The following RANBP2 variants were observed in gnomAD, a reference collection of about 807,000 sequenced individuals.
RANBP2 encodes the protein RAN binding protein 2, also known as E3 SUMO-protein ligase RanBP2.
In RANBP2, 57 loss-of-function variants were observed where a neutral mutation model predicts 303.6. The observed-to-expected ratio is 0.19, with a 90% CI of 0.15 to 0.23. The LOEUF (loss-of-function observed/expected upper bound fraction) is 0.23, where lower values mean the gene tolerates loss of function less well. Among genes scored for constraint, RANBP2 ranks in the 10% least tolerant of loss-of-function variants. RANBP2 has a pLI of 1.00. For missense variants in RANBP2, 3,138 were observed against 3,780.8 expected, an observed-to-expected ratio of 0.83 and a Z score of 4.46; for synonymous variants, 1,167 against 1,301.5, an observed-to-expected ratio of 0.90 and a Z score of 2.23.
chr2:109,262,973 C>T, the RANBP2 span, among the ~76,000 whole-genome samples: 5 of 152,078 alleles, frequency 3.3e-5, no homozygotes, highest in African/African-American at 9.7e-5. Flanking sequence ...GCTGGGAGTA[C>T]AGGTGCCCGC....
At chr2:108,983,079 T>C in the RANBP2 span, among the ~76,000 whole-genome samples, 1 of 152,180 alleles carries the variant, frequency 6.6e-6, no homozygotes, top group East Asian at 1.9e-4. Flanking sequence ...GCACAATTAG[T>C]TTGTGCTGCT....
At chr2:109,747,778 T>C in the RANBP2 span, among the ~76,000 whole-genome samples, 31 of 142,280 alleles carry the variant, frequency 2.2e-4, no homozygotes, top group Non-Finnish European at 6.0e-5. Context: ...ACCTACACAC[T>C]AAACTTTTGG....
At chr2:109,090,310 TCACA>T in the RANBP2 span, among the ~76,000 whole-genome samples, 2,234 of 109,638 alleles carry the variant, frequency 0.02, 33 homozygotes, top group Middle Eastern at 0.045. Flanking sequence ...ACACCTCGCC[TCACA>T]CACACACACA....
the RANBP2 span, chr2:108,794,481 A>G: frequency 2.1e-6 from 3 of 1,457,482 alleles, no homozygotes; most frequent in Non-Finnish European, 1.9e-6. Flanking sequence ...GGTTACTCTG[A>G]GAATATTTGA....
the RANBP2 span, among the ~76,000 whole-genome samples, chr2:109,159,273 G>A: frequency 5.9e-5 from 9 of 152,260 alleles, no homozygotes; most frequent in East Asian, 7.7e-4. Flanking sequence ...CTATCCCGGC[G>A]CAGCTGCCTC....
chr2:109,613,642 G>A, the RANBP2 span: 6 of 466,628 alleles, frequency 1.3e-5, no homozygotes, highest in African/African-American at 2.1e-5. Context: ...CCAGGCGCCC[G>A]GCCGCCGCGG....
chr2:109,406,928 G>T, the RANBP2 span, among the ~76,000 whole-genome samples: 6,795 of 152,282 alleles, frequency 0.045, 484 homozygotes, highest in African/African-American at 0.15. Flanking sequence ...CCGTCCCCAG[G>T]TGCCACTTCC....
the RANBP2 span, among the ~76,000 whole-genome samples, chr2:109,373,557 T>C: frequency 3.9e-5 from 6 of 152,064 alleles, no homozygotes; most frequent in African/African-American, 1.5e-4. Context: ...GACATAAAAG[T>C]AAATGCCGTA....
chr2:108,727,394 G>A (rs925746428), intron 1 of RANBP2, among the ~76,000 whole-genome samples: 1 of 152,198 alleles, frequency 6.6e-6, no homozygotes, highest in Non-Finnish European at 1.5e-5. Flanking sequence ...CAGCCATAGT[G>A]TGTGATAAGT....
the RANBP2 span, among the ~76,000 whole-genome samples, chr2:108,950,267 TTTTC>T: frequency 6.1e-5 from 9 of 148,422 alleles, no homozygotes; most frequent in African/African-American, 1.2e-4. Flanking sequence ...TTCCTTTTCT[TTTTC>T]TTTCTTTCTT....
chr2:108,759,980 G>A (rs1401089532), intron 18 of RANBP2, among the ~76,000 whole-genome samples: 2 of 152,118 alleles, frequency 1.3e-5, no homozygotes, highest in African/African-American at 4.8e-5. Flanking sequence ...TGAGAAACAT[G>A]GAGACTCCAA....
the RANBP2 span, among the ~76,000 whole-genome samples, chr2:109,435,117 A>T: frequency 6.6e-6 from 1 of 152,198 alleles, no homozygotes; most frequent in African/African-American, 2.4e-5. Context: ...AGCCCCGGTA[A>T]CTGCAGTGTC....
At chr2:109,667,159 T>C in the RANBP2 span, 2 of 1,321,628 alleles carry the variant, frequency 1.5e-6, no homozygotes, top group Non-Finnish European at 2.2e-6. Flanking sequence ...AAGAAACATT[T>C]TAATTCACTG....
At chr2:109,568,599 C>T in the RANBP2 span, among the ~76,000 whole-genome samples, 1 of 152,122 alleles carries the variant, frequency 6.6e-6, no homozygotes, top group Admixed American at 6.6e-5. Context: ...CTCACATTTT[C>T]TTCTCTCTCA....
At chr2:109,481,078 C>T in the RANBP2 span, among the ~76,000 whole-genome samples, 1 of 152,202 alleles carries the variant, frequency 6.6e-6, no homozygotes, top group East Asian at 1.9e-4. Context: ...CATTTCTCAC[C>T]TGCTGCTGCC....
the RANBP2 span, chr2:109,614,348 C>A: frequency 2.8e-6 from 2 of 726,678 alleles, no homozygotes; most frequent in South Asian, 7.1e-5. Context: ...AGGCGGTGGC[C>A]GAGTCCTCTG....
At chr2:108,913,988 C>T in the RANBP2 span, among the ~76,000 whole-genome samples, 5 of 147,002 alleles carry the variant, frequency 3.4e-5, no homozygotes, top group Non-Finnish European at 6.0e-5. Context: ...GGGCCGGGCG[C>T]GGTAGCTCAT....
chr2:109,109,569 G>A, the RANBP2 span, among the ~76,000 whole-genome samples: 1 of 152,196 alleles, frequency 6.6e-6, no homozygotes, highest in Non-Finnish European at 1.5e-5. Flanking sequence ...TGTATTGCAA[G>A]TTTAATTAAA....
At chr2:109,728,932 G>A in the RANBP2 span, among the ~76,000 whole-genome samples, 2 of 152,016 alleles carry the variant, frequency 1.3e-5, no homozygotes, top group Non-Finnish European at 1.5e-5. Context: ...TTTAACATTC[G>A]GTACCATCTG....
Sources: allele counts gnomAD v4.1 joint callset (sites outside exome capture counted in the v4.1 genomes callset), GRCh38; gene constraint gnomAD v4.1.1; transcripts MANE v1.5; gene names NCBI Gene and HGNC (gene_info 2026-07-23, HGNC 2026-07-21).